Variants in COL13A1 observed in about 807,000 individuals in gnomAD.
COL13A1 encodes the protein collagen alpha-1(XIII) chain.
COL13A1 carries 89 observed loss-of-function variants against 130.9 expected under a neutral mutation model. The ratio of observed to expected loss-of-function variants is 0.68; its 90% CI spans 0.57 to 0.81. The LOEUF is 0.81. Among genes scored for constraint, COL13A1 ranks in the 30% least tolerant of loss-of-function variants. The pLI, the probability that COL13A1 is intolerant of heterozygous loss-of-function variation, is 0.00. For missense variants in COL13A1, 879 were observed against 934.6 expected, an observed-to-expected ratio of 0.94 and a Z score of 0.78; for synonymous variants, 402 against 341.6, an observed-to-expected ratio of 1.18 and a Z score of -1.95.
In COL13A1 at chr10:69,831,975, T is replaced by G. The variant is rs185033510; in HGVS notation, c.364+9537T>G. Among the ~76,000 whole-genome samples, 4 of 152,288 alleles carry G rather than the reference T, an allele frequency of 2.6e-5. No homozygotes were observed. The East Asian group carries it at 7.7e-4, about 29-fold the overall frequency. On this transcript the variant is annotated intron_variant, in intron 2 of 40. Coordinates refer to ENST00000645393, the MANE Select transcript of COL13A1 (RefSeq NM_001368882.1). The stretch of plus-strand genomic sequence containing the variant: ...CGACACACACTTGGCGGGAAATGAT[T>G]GTTAGTTGCCACGATGATGGTGATG...
chr10:69,879,624 G>A (rs1476713366), intron 6 of COL13A1, among the ~76,000 whole-genome samples: 3 of 152,294 alleles, frequency 2.0e-5, no homozygotes, highest in South Asian at 2.1e-4. Context: ...TGCGTTTCCC[G>A]TAAGGGCAAC....
In COL13A1 at chr10:69,945,798, C is replaced by A; in HGVS notation, c.2022+74C>A. The A allele has an allele frequency of 3.9e-6, 6 of 1,543,514 alleles. No homozygotes were observed. The South Asian group carries it at 7.1e-5, about 18-fold the overall frequency. On this transcript the variant is annotated intron_variant, in intron 37 of 40. Coordinates refer to ENST00000645393, the MANE Select transcript of COL13A1 (RefSeq NM_001368882.1). ...TTAGAAATACCCACGGCCGGCCGGGCATGGTGGCTCACACCTGTAATCCCA... is the reference window on the plus strand; with the variant it reads ...TTAGAAATACCCACGGCCGGCCGGGAATGGTGGCTCACACCTGTAATCCCA...
At chr10:69,817,789 C>A in intron 1 of COL13A1, among the ~76,000 whole-genome samples, 1 of 151,992 alleles carries the variant, frequency 6.6e-6, no homozygotes, top group Non-Finnish European at 1.5e-5. Context: ...TGGTAGGACC[C>A]GCAGGTTGAA....
intron 2 of COL13A1, among the ~76,000 whole-genome samples, chr10:69,829,576 C>T (rs1231670631): frequency 6.6e-6 from 1 of 152,232 alleles, no homozygotes; most frequent in African/African-American, 2.4e-5. Flanking sequence ...TGGCTCCAAA[C>T]GAAGGCCCTT....
intron 14 of COL13A1, among the ~76,000 whole-genome samples, chr10:69,899,920 G>A (rs1373717801): frequency 1.3e-5 from 2 of 152,154 alleles, no homozygotes; most frequent in Admixed American, 1.3e-4. Context: ...GAGCCCAAGG[G>A]CCTAGATGTT....
intron 1 of COL13A1, among the ~76,000 whole-genome samples, chr10:69,819,416 G>T (rs1228324522): frequency 3.3e-5 from 5 of 152,136 alleles, no homozygotes; most frequent in Admixed American, 6.5e-5. Context: ...ATAGGAGGGG[G>T]AGTGAGGGAA....
intron 20 of COL13A1, 67 bp from the exon 21 acceptor site, chr10:69,919,598 C>T (rs1275282907): frequency 1.0e-5 from 4 of 398,900 alleles, no homozygotes; most frequent in Non-Finnish European, 1.8e-5. Context: ...TCAATGATCA[C>T]TGCCCATCCT....
chr10:69,881,988 G>A (rs2060186253), intron 7 of COL13A1, among the ~76,000 whole-genome samples: 1 of 152,238 alleles, frequency 6.6e-6, no homozygotes, highest in Non-Finnish European at 1.5e-5. Flanking sequence ...CAGGCCTGAT[G>A]TCACTGTCGC....
At chr10:69,917,455 C>A in intron 18 of COL13A1, 122 bp downstream of exon 18, 2 of 840,824 alleles carry the variant, frequency 2.4e-6, no homozygotes, top group Non-Finnish European at 3.7e-6. Context: ...TCTGCCTGCC[C>A]TGGTTCTCCC....
At chr10:69,876,578 G>A (rs549619860) in intron 5 of COL13A1, among the ~76,000 whole-genome samples, 7 of 152,260 alleles carry the variant, frequency 4.6e-5, no homozygotes, top group Non-Finnish European at 8.8e-5. Flanking sequence ...ATTGCTGCCC[G>A]GCCCTGTCTG....
intron 17 of COL13A1, among the ~76,000 whole-genome samples, chr10:69,911,393 C>G (rs559469458): frequency 9.6e-4 from 146 of 152,336 alleles, no homozygotes; most frequent in Non-Finnish European, 1.7e-3. Context: ...TTGTAACAAC[C>G]CTGTGAGGTA....
chr10:69,943,127 C>T (rs1472175141), intron 35 of COL13A1, among the ~76,000 whole-genome samples: 2 of 152,188 alleles, frequency 1.3e-5, no homozygotes, highest in African/African-American at 2.4e-5. Flanking sequence ...GGATTACAGC[C>T]GTGAGCCACT....
intron 7 of COL13A1, among the ~76,000 whole-genome samples, chr10:69,883,841 C>T (rs2060362497): frequency 6.6e-6 from 1 of 152,174 alleles, no homozygotes; most frequent in African/African-American, 2.4e-5. Flanking sequence ...CAGCATGCAG[C>T]ATGTTTAGAA....
chr10:69,886,446 G>A (rs2060601128), intron 7 of COL13A1, among the ~76,000 whole-genome samples: 1 of 152,230 alleles, frequency 6.6e-6, no homozygotes, highest in Admixed American at 6.5e-5. Flanking sequence ...GATTCTGGCT[G>A]TGTCAGCCAA....
At chr10:69,855,431 T>C (rs941760618) in intron 2 of COL13A1, among the ~76,000 whole-genome samples, 3 of 152,166 alleles carry the variant, frequency 2.0e-5, no homozygotes, top group African/African-American at 7.2e-5. Flanking sequence ...TTTCACTTGA[T>C]TGTGCTATTG....
At chr10:69,863,016 C>T (rs551607005) in intron 2 of COL13A1, among the ~76,000 whole-genome samples, 1 of 152,302 alleles carries the variant, frequency 6.6e-6, no homozygotes, top group Admixed American at 6.5e-5. Context: ...AACCACAGGT[C>T]GGTGAGGCCT....
intron 1 of COL13A1, among the ~76,000 whole-genome samples, chr10:69,816,150 G>C (rs1477171493): frequency 6.7e-6 from 1 of 149,796 alleles, no homozygotes; most frequent in Admixed American, 6.7e-5. Context: ...CAGAAGTCGG[G>C]CATTCGTTAG....
At chr10:69,884,081 A>G (rs2060387646) in intron 7 of COL13A1, among the ~76,000 whole-genome samples, 1 of 152,210 alleles carries the variant, frequency 6.6e-6, no homozygotes, top group Non-Finnish European at 1.5e-5. Context: ...GGAAGAGCAG[A>G]TTTTGCCAGG....
chr10:69,921,421 C>A (rs928952180), intron 21 of COL13A1, among the ~76,000 whole-genome samples: 20 of 152,190 alleles, frequency 1.3e-4, no homozygotes, highest in African/African-American at 4.8e-4. Context: ...CTGGTTATAG[C>A]TAGAGGCGGA....
Sources: gnomAD v4.1 joint callset for allele counts (sites outside exome capture counted in the v4.1 genomes callset) on GRCh38, gnomAD v4.1.1 for gene constraint, MANE v1.5 for transcripts, NCBI Gene and HGNC (gene_info 2026-07-23, HGNC 2026-07-21) for gene names.